The following PPARG variants were observed in gnomAD, a reference collection of about 807,000 sequenced individuals.
PPARG encodes peroxisome proliferator-activated receptor gamma.
Under a neutral mutation model 39.2 loss-of-function variants are expected in PPARG, and 17 were observed. That is an observed-to-expected ratio of 0.43 (90% CI 0.30 to 0.65). PPARG has a LOEUF of 0.65. PPARG is among the 30% of genes least tolerant of loss of function. The pLI, the probability that PPARG is intolerant of heterozygous loss-of-function variation, is 0.13. For missense variants in PPARG, 406 were observed against 585.9 expected (o/e 0.69, Z 3.17); for synonymous variants, 223 against 215.7 (o/e 1.03, Z -0.30).
At chr3:12,358,287 T>A (rs547942122) in intron 2 of PPARG, among the ~76,000 whole-genome samples, 1 of 152,290 alleles carries the variant, frequency 6.6e-6, no homozygotes, top group Non-Finnish European at 1.5e-5. Context: ...TTGCTAGCAA[T>A]GTTTAAAAAA....
chr3:12,380,489 C>T (rs1009289161), intron 3 of PPARG, among the ~76,000 whole-genome samples: 1 of 152,162 alleles, frequency 6.6e-6, no homozygotes, highest in East Asian at 1.9e-4. Flanking sequence ...TCAAGAAAAA[C>T]TAGAACTGCA....
At chr3:12,429,832 G>A (rs949719277) in intron 7 of PPARG, among the ~76,000 whole-genome samples, 1 of 152,206 alleles carries the variant, frequency 6.6e-6, no homozygotes, top group Admixed American at 6.5e-5. Flanking sequence ...TAGAGCAACT[G>A]CGAGGAAGAC....
intron 2 of PPARG, among the ~76,000 whole-genome samples, chr3:12,316,153 A>G (rs1027494383): frequency 2.3e-4 from 35 of 152,246 alleles, no homozygotes; most frequent in African/African-American, 8.2e-4. Context: ...TTTAAAATCA[A>G]AAGAGCAAAC....
chr3:12,391,760 A>G (rs776300797), intron 4 of PPARG, among the ~76,000 whole-genome samples: 3 of 152,220 alleles, frequency 2.0e-5, no homozygotes, highest in Non-Finnish European at 4.4e-5. Flanking sequence ...CCAAAGCAAT[A>G]CTAATGCAGT....
At chr3:12,320,564 G>T (rs1188499316) in intron 2 of PPARG, among the ~76,000 whole-genome samples, 1 of 152,142 alleles carries the variant, frequency 6.6e-6, no homozygotes. Context: ...ACAGTGGGTG[G>T]GTCACACCTG....
chr3:12,312,226 G>A (rs1391593188), intron 1 of PPARG, among the ~76,000 whole-genome samples, 154 bp from the exon 2 acceptor site: 1 of 152,232 alleles, frequency 6.6e-6, no homozygotes, highest in African/African-American at 2.4e-5. Context: ...AGAAAGCATT[G>A]TAGGCTCAGG....
intron 2 of PPARG, among the ~76,000 whole-genome samples, chr3:12,340,073 A>G (rs2048138270): frequency 6.6e-6 from 1 of 152,190 alleles, no homozygotes; most frequent in Non-Finnish European, 1.5e-5. Context: ...CATAGATAAC[A>G]ATATACTTCC....
chr3:12,368,213 T>G (rs79304896), intron 2 of PPARG, among the ~76,000 whole-genome samples: 144,447 of 144,590 alleles, frequency 1, 72,152 homozygotes, highest in Middle Eastern at 1. Context: ...ACAGTGTCTC[T>G]CTCTGTTGCC....
At position 12,368,419 on chromosome 3, in the gene PPARG, T is replaced by G. The variant is rs1470799966; in HGVS notation, c.-8-11285T>G. 2.0e-5 allele frequency among the ~76,000 whole-genome samples: 3 copies of G among 152,058 alleles called. No individual in the cohort carries two copies. The South Asian group carries it at 6.2e-4, about 32-fold the overall frequency. ...CTGGTCTCGAACTCCTGACCTCAGG[T>G]GATCCTCCCACCTTGTCTTCCCAAA... On this transcript the variant is annotated intron_variant, in intron 2 of 7. Coordinates refer to ENST00000651735, the MANE Select transcript of PPARG (RefSeq NM_138711.6).
At chr3:12,397,358 T>C (rs2050299944) in intron 5 of PPARG, among the ~76,000 whole-genome samples, 1 of 148,198 alleles carries the variant, frequency 6.7e-6, no homozygotes. Flanking sequence ...ATACTAGATT[T>C]CAACTTTAAC....
chr3:12,326,737 A>T (rs1403494478), intron 2 of PPARG, among the ~76,000 whole-genome samples: 1 of 152,040 alleles, frequency 6.6e-6, no homozygotes, highest in African/African-American at 2.4e-5. Flanking sequence ...ATATATAAAA[A>T]AAAAAAGGAG....
At chr3:12,379,656 T>A (rs1478250711) in intron 2 of PPARG, 48 bp from the exon 3 acceptor site, 2 of 1,504,686 alleles carry the variant, frequency 1.3e-6, no homozygotes, top group African/African-American at 2.8e-5. Context: ...GTGAGATTGC[T>A]GTGTTCTCTA....
chr3:12,434,116 C>A lies in PPARG; in HGVS notation c.1399C>A (p.Leu467Met). 1 of 1,613,598 alleles carries A rather than the reference C, an allele frequency of 6.2e-7. No homozygotes were observed. Among genetic ancestry groups the A allele is most frequent in the East Asian group, 2.2e-5 (1 of 44,850 alleles). The change falls in exon 8 of 8, where the codon CTG becomes ATG. Residue 467 changes from leucine (L) to methionine (M), a missense_variant. Physicochemically the swap from Leu to Met is conservative, Grantham distance 15. Transcript: ENST00000651735. The surrounding 1 kb of genome is among the most constrained non-coding windows in gnomAD (Gnocchi z 4.2). ...GACAGACATGAGTCTTCACCCGCTC[C>A]TGCAGGAGATCTACAAGGACTTGTA... ...TETDMSLHPL[L>M]QEIYKDLY is the part of the protein sequence containing the mutation.
At chr3:12,336,125 G>A (rs922069179) in intron 2 of PPARG, among the ~76,000 whole-genome samples, 2 of 152,238 alleles carry the variant, frequency 1.3e-5, no homozygotes, top group East Asian at 1.9e-4. Context: ...GTAAGAAGTG[G>A]GAGTTATGAG....
intron 7 of PPARG, among the ~76,000 whole-genome samples, chr3:12,424,203 G>A (rs2051359582): frequency 6.6e-6 from 1 of 152,222 alleles, no homozygotes; most frequent in African/African-American, 2.4e-5. Context: ...AGAGCTGGGG[G>A]CGGGGATAGA....
At chr3:12,317,616 C>T (rs1399044552) in intron 2 of PPARG, among the ~76,000 whole-genome samples, 2 of 151,958 alleles carry the variant, frequency 1.3e-5, no homozygotes, top group Non-Finnish European at 2.9e-5. Context: ...ATGTTTTATT[C>T]TTATACCATT....
chr3:12,354,880 C>T (rs1207857764), intron 2 of PPARG, among the ~76,000 whole-genome samples: 2 of 152,196 alleles, frequency 1.3e-5, no homozygotes, highest in African/African-American at 4.8e-5. Context: ...GCGGGGCATC[C>T]GCATGATCTC....
intron 1 of PPARG, among the ~76,000 whole-genome samples, chr3:12,292,907 T>G (rs906092907): frequency 1.3e-5 from 2 of 152,134 alleles, no homozygotes; most frequent in Non-Finnish European, 2.9e-5. Flanking sequence ...CCCACTGCAG[T>G]GTGGAGCTAT....
chr3:12,383,987 C>T (rs1336495625), intron 4 of PPARG, among the ~76,000 whole-genome samples: 2 of 151,944 alleles, frequency 1.3e-5, no homozygotes, highest in African/African-American at 4.8e-5. Context: ...AAAAAGCAAA[C>T]ATAGAAGAAA....
Sources: allele counts gnomAD v4.1 joint callset (sites outside exome capture counted in the v4.1 genomes callset), GRCh38; gene constraint gnomAD v4.1.1; non-coding constraint Gnocchi (gnomAD v3.1); transcripts MANE v1.5; gene names NCBI Gene and HGNC (gene_info 2026-07-23, HGNC 2026-07-21).